Variants in CCSER1 observed in about 807,000 individuals in gnomAD.
CCSER1 encodes the protein coiled-coil serine rich protein 1.
A neutral mutation model predicts 82.0 loss-of-function variants in CCSER1; 41 were observed. The ratio of observed to expected loss-of-function variants is 0.50; its 90% CI spans 0.39 to 0.65. The LOEUF (loss-of-function observed/expected upper bound fraction) is 0.65. CCSER1 is among the 30% of genes least tolerant of loss of function. The probability of loss-of-function intolerance (pLI) is 0.00; values close to 1 mark genes in which losing one functional copy is unlikely to be tolerated. For synonymous variants in CCSER1, 414 were observed against 383.9 expected, an observed-to-expected ratio of 1.08 and a Z score of -0.92; for missense variants, 1,119 against 1,064.2, an observed-to-expected ratio of 1.05 and a Z score of -0.72.
intron 8 of CCSER1, among the ~76,000 whole-genome samples, chr4:90,817,651 T>C (rs1034985128): frequency 6.6e-6 from 1 of 151,962 alleles, no homozygotes; most frequent in Non-Finnish European, 1.5e-5. Context: ...TTAAAAAAAA[T>C]ATAGTTTATT....
intron 10 of CCSER1, among the ~76,000 whole-genome samples, chr4:91,392,076 C>G (rs980571941): frequency 1.3e-5 from 2 of 151,890 alleles, no homozygotes; most frequent in Admixed American, 1.3e-4. Context: ...ACTGTCACAT[C>G]ATAGTATTGA....
Position 91,598,852 on chromosome 4 carries a change from C to CA in CCSER1, c.2499dup (p.Ala834SerfsTer2). ...GTTGGGCAGAGCTCTCTGAAGCCAA[C>CA]AGCTAAGACAGAAGGGCTCTCCACG... is the stretch of plus-strand genomic sequence containing the variant. On this transcript the variant is annotated frameshift_variant, in exon 11 of 11. Coordinates refer to ENST00000509176, the MANE Select transcript of CCSER1 (RefSeq NM_001145065.2). LOFTEE classifies it high-confidence loss of function. 1.3e-6 allele frequency: 2 copies of CA among 1,551,622 alleles called. No homozygotes were observed. The highest frequency in any genetic ancestry group is 1.7e-6 in the Non-Finnish European group (2 of 1,146,914).
rs560061933 is a variant in CCSER1, at chr4:91,599,227, T to C, written c.*170T>C. The C allele has an allele frequency of 4.4e-4, 348 of 798,706 alleles. 4 individuals are homozygous for C. The Admixed American group carries it at 8.6e-3, about 20-fold the overall frequency. The allele number at this position is 798,706 out of a possible 1,614,324, so 49.5% of individuals were successfully genotyped here. On this transcript the variant is annotated 3_prime_UTR_variant, in exon 11 of 11. Transcript: ENST00000509176. ...AACAAAGACTTGTGGGTTTTTTTTT[T>C]CCAAGAGTGAAAGTTTGAGCATGTT... is the stretch of plus-strand genomic sequence containing the variant.
intron 5 of CCSER1, among the ~76,000 whole-genome samples, chr4:90,532,649 T>C (rs1774684053): frequency 6.6e-6 from 1 of 152,222 alleles, no homozygotes; most frequent in African/African-American, 2.4e-5. Context: ...AGCTGAGGTT[T>C]CTAGATATGT....
chr4:91,098,663 T>A (rs1242449096), intron 10 of CCSER1, among the ~76,000 whole-genome samples: 1 of 151,996 alleles, frequency 6.6e-6, no homozygotes, highest in Non-Finnish European at 1.5e-5. Flanking sequence ...TGCCTCAGCC[T>A]TCTGAGTAGC....
intron 4 of CCSER1, among the ~76,000 whole-genome samples, chr4:90,461,435 T>TA (rs1021158691): frequency 9.9e-5 from 15 of 152,188 alleles, no homozygotes; most frequent in African/African-American, 3.6e-4. Context: ...TCAATTCCCA[T>TA]TAACTTTAGG....
At position 90,269,015 on chromosome 4, in the gene CCSER1, G is replaced by A. The variant is rs116604400; in HGVS notation, c.-41-39229G>A. ...GAGGATATAACAATTATAAATATAC[G>A]TGCATTCAACACCAGAGTACCCAGA... is the stretch of plus-strand genomic sequence containing the variant. On this transcript the variant is annotated intron_variant, in intron 1 of 10. Coordinates refer to ENST00000509176, the MANE Select transcript of CCSER1 (RefSeq NM_001145065.2). Among the ~76,000 whole-genome samples the A allele has an allele frequency of 1.9e-3, 291 of 152,072 alleles. 1 individual carries two copies. The highest frequency in any genetic ancestry group is 6.8e-3 in the African/African-American group (281 of 41,522).
intron 4 of CCSER1, among the ~76,000 whole-genome samples, chr4:90,415,643 C>T (rs1755675235): frequency 6.6e-6 from 1 of 152,078 alleles, no homozygotes; most frequent in Admixed American, 6.6e-5. Flanking sequence ...AAATATTAAG[C>T]AATGCATATT....
intron 10 of CCSER1, among the ~76,000 whole-genome samples, chr4:91,491,732 T>G (rs1204070098): frequency 6.6e-6 from 1 of 152,060 alleles, no homozygotes; most frequent in African/African-American, 2.4e-5. Context: ...CTGAAGAATA[T>G]TTTTTCCTAT....
intron 9 of CCSER1, among the ~76,000 whole-genome samples, chr4:91,002,756 G>A (rs1327532320): frequency 6.6e-6 from 1 of 151,966 alleles, no homozygotes. Context: ...GGTAAATCAG[G>A]GATTTCTTCT....
intron 10 of CCSER1, among the ~76,000 whole-genome samples, chr4:91,277,754 A>T (rs1742597547): frequency 6.6e-6 from 1 of 151,000 alleles, no homozygotes; most frequent in African/African-American, 2.4e-5. Context: ...TTGCTTTTCT[A>T]ATTTCTTGAG....
At chr4:91,059,105 A>C (rs1006418679) in intron 9 of CCSER1, among the ~76,000 whole-genome samples, 2 of 151,994 alleles carry the variant, frequency 1.3e-5, no homozygotes, top group Non-Finnish European at 2.9e-5. Flanking sequence ...ATATTATGTC[A>C]CTTTAGTATT....
At chr4:90,654,848 A>C (rs1729424918) in intron 6 of CCSER1, among the ~76,000 whole-genome samples, 1 of 152,100 alleles carries the variant, frequency 6.6e-6, no homozygotes, top group African/African-American at 2.4e-5. Flanking sequence ...CTGGCTATAT[A>C]ATAAATTTTT....
At chr4:90,460,007 C>G (rs62312946) in intron 4 of CCSER1, among the ~76,000 whole-genome samples, 1 of 151,810 alleles carries the variant, frequency 6.6e-6, no homozygotes, top group Non-Finnish European at 1.5e-5. Context: ...AATTTCACAA[C>G]GAAATATTTG....
In CCSER1 at chr4:90,535,435, AC is replaced by A. The variant is rs766660470; in HGVS notation, c.1724+67082del. 5.9e-5 allele frequency among the ~76,000 whole-genome samples: 9 copies of A among 152,294 alleles called. No homozygotes were observed. In the East Asian group the frequency reaches 1.4e-3, roughly 23 times the overall value. On this transcript the variant is annotated intron_variant, in intron 5 of 10. Coordinates refer to ENST00000509176, the MANE Select transcript of CCSER1 (RefSeq NM_001145065.2). ...CCCCATTAATACAAAAAACAAAAAA[AC>A]AACAAAGAAAAAGGAATCATTTTGT...
At chr4:91,133,045 C>T (rs1270418868) in intron 10 of CCSER1, among the ~76,000 whole-genome samples, 1 of 152,134 alleles carries the variant, frequency 6.6e-6, no homozygotes, top group Non-Finnish European at 1.5e-5. Context: ...AGCTAAATGA[C>T]ACATTTTTGC....
intron 5 of CCSER1, among the ~76,000 whole-genome samples, chr4:90,615,516 A>T (rs1721019312): frequency 6.6e-6 from 1 of 152,178 alleles, no homozygotes; most frequent in South Asian, 2.1e-4. Context: ...CTCATGGATG[A>T]CTTCAAGGGG....
intron 10 of CCSER1, among the ~76,000 whole-genome samples, chr4:91,595,020 T>A (rs2110351577): frequency 6.6e-6 from 1 of 151,872 alleles, no homozygotes; most frequent in African/African-American, 2.4e-5. Flanking sequence ...AGCTCTCAAG[T>A]AAATTTCTCT....
intron 1 of CCSER1, among the ~76,000 whole-genome samples, chr4:90,261,947 A>G (rs1724399895): frequency 6.6e-6 from 1 of 151,898 alleles, no homozygotes; most frequent in Non-Finnish European, 1.5e-5. Flanking sequence ...AGAAGTTCTG[A>G]TTGGTTTTTC....
Sources: allele counts gnomAD v4.1 joint callset (sites outside exome capture counted in the v4.1 genomes callset), GRCh38; gene constraint gnomAD v4.1.1; transcripts MANE v1.5; gene names NCBI Gene and HGNC (gene_info 2026-07-23, HGNC 2026-07-21).